Variants in ARHGAP42 observed in about 807,000 individuals in gnomAD.
The protein encoded by ARHGAP42 is Rho GTPase activating protein 42, also known as rho GTPase-activating protein 42.
A neutral mutation model predicts 125.0 loss-of-function variants in ARHGAP42; 63 were observed. The observed-to-expected ratio is 0.50, with a 90% CI of 0.41 to 0.62. The LOEUF (loss-of-function observed/expected upper bound fraction) is 0.62. ARHGAP42 is among the 20% of genes least tolerant of loss of function. The pLI is 0.00. For missense variants in ARHGAP42, 766 were observed against 1,024.2 expected (o/e 0.75, Z 3.44); for synonymous variants, 339 against 351.0 (o/e 0.97, Z 0.38).
At chr11:100,879,290 G>C (rs1238207532) in intron 4 of ARHGAP42, among the ~76,000 whole-genome samples, 2 of 152,014 alleles carry the variant, frequency 1.3e-5, no homozygotes, top group Non-Finnish European at 2.9e-5. Context: ...CTCTCTATTT[G>C]GGGGGTTATC....
At chr11:100,853,370 T>G (rs1865249799) in intron 3 of ARHGAP42, among the ~76,000 whole-genome samples, 4 of 152,160 alleles carry the variant, frequency 2.6e-5, no homozygotes, top group Admixed American at 1.3e-4. Context: ...TATGCTATGG[T>G]TAAGTCTGGT....
intron 1 of ARHGAP42, among the ~76,000 whole-genome samples, chr11:100,747,843 G>A (rs900353119): frequency 1.3e-5 from 2 of 151,392 alleles, no homozygotes; most frequent in South Asian, 2.1e-4. Context: ...TTTTTTTCAC[G>A]ACTTTCACAG....
intron 22 of ARHGAP42, among the ~76,000 whole-genome samples, chr11:100,981,715 T>C (rs1404709795): frequency 1.3e-5 from 2 of 152,136 alleles, no homozygotes. Flanking sequence ...AGGATGGAAC[T>C]GGTGAGATTT....
chr11:100,907,227 A>G (rs1198400387), intron 4 of ARHGAP42, among the ~76,000 whole-genome samples: 1 of 152,256 alleles, frequency 6.6e-6, no homozygotes. Flanking sequence ...GTCTCCAATA[A>G]TGAATGAGTT....
intron 3 of ARHGAP42, among the ~76,000 whole-genome samples, chr11:100,852,107 G>T (rs1311913337): frequency 6.6e-6 from 1 of 152,076 alleles, no homozygotes; most frequent in African/African-American, 2.4e-5. Flanking sequence ...TCTGTATCCT[G>T]CATAGTTCCT....
At chr11:100,740,227 T>A (rs1862155328) in intron 1 of ARHGAP42, among the ~76,000 whole-genome samples, 1 of 152,146 alleles carries the variant, frequency 6.6e-6, no homozygotes, top group Non-Finnish European at 1.5e-5. Context: ...CATAAAACTT[T>A]TAAAAAAGAC....
intron 1 of ARHGAP42, among the ~76,000 whole-genome samples, chr11:100,696,441 C>T (rs1861286002): frequency 6.6e-6 from 1 of 150,764 alleles, no homozygotes; most frequent in East Asian, 2.0e-4. Flanking sequence ...GCAACTTCCG[C>T]CTCCCGGGTT....
intron 3 of ARHGAP42, among the ~76,000 whole-genome samples, chr11:100,832,353 C>G (rs1864682833): frequency 6.6e-6 from 1 of 152,318 alleles, no homozygotes; most frequent in Non-Finnish European, 1.5e-5. Flanking sequence ...GAATCTGGAT[C>G]TCTGATGATC....
chr11:100,762,805 T>C (rs4469852), intron 1 of ARHGAP42, among the ~76,000 whole-genome samples: 39,167 of 151,894 alleles, frequency 0.26, 5,294 homozygotes, highest in Non-Finnish European at 0.29. Context: ...AACGTAACTG[T>C]AGTTATTAAA....
intron 1 of ARHGAP42, among the ~76,000 whole-genome samples, chr11:100,705,348 TAGAA>T (rs542246644): frequency 3.4e-4 from 52 of 152,342 alleles, no homozygotes; most frequent in African/African-American, 1.1e-3. Flanking sequence ...CCTAGAATAG[TAGAA>T]AGAGAGTGAG....
At chr11:100,943,170 C>T (rs1261320702) in intron 9 of ARHGAP42, among the ~76,000 whole-genome samples, 1 of 151,462 alleles carries the variant, frequency 6.6e-6, no homozygotes, top group Non-Finnish European at 1.5e-5. Context: ...CTTTTTTTCC[C>T]ATTACTTTTA....
At chr11:100,796,969 A>G (rs764499699) in intron 3 of ARHGAP42, among the ~76,000 whole-genome samples, 12 of 152,020 alleles carry the variant, frequency 7.9e-5, no homozygotes, top group Non-Finnish European at 1.5e-4. Context: ...GGATTTCACC[A>G]TGTTGGTCAG....
intron 18 of ARHGAP42, among the ~76,000 whole-genome samples, chr11:100,973,788 T>C (rs1243920336): frequency 6.6e-6 from 1 of 152,054 alleles, no homozygotes; most frequent in Admixed American, 6.6e-5. Flanking sequence ...ACTATGAAAA[T>C]GGGAAATTTT....
At chr11:100,695,142 T>A (rs1484522952) in intron 1 of ARHGAP42, among the ~76,000 whole-genome samples, 1 of 152,262 alleles carries the variant, frequency 6.6e-6, no homozygotes, top group Non-Finnish European at 1.5e-5. Context: ...GGCTGGCTTT[T>A]GTATAAGCGT....
chr11:100,975,911 T>C, intron 19 of ARHGAP42, 146 bp from the exon 20 acceptor site: 1 of 796,990 alleles, frequency 1.3e-6, no homozygotes, highest in Non-Finnish European at 1.9e-6. Context: ...TGAGGACAGT[T>C]CTCCGTACTA....
chr11:100,687,895 C>G (rs1477567613), intron 1 of ARHGAP42, 63 bp downstream of exon 1: 4 of 1,471,478 alleles, frequency 2.7e-6, no homozygotes, highest in Non-Finnish European at 3.6e-6. Flanking sequence ...GGTGCGGGTC[C>G]GAAGGGTGGG....
chr11:100,768,237 C>G (rs929079594), intron 1 of ARHGAP42, among the ~76,000 whole-genome samples: 1 of 152,156 alleles, frequency 6.6e-6, no homozygotes, highest in Non-Finnish European at 1.5e-5. Context: ...TGGCTCAACT[C>G]TAAATACAAC....
intron 3 of ARHGAP42, among the ~76,000 whole-genome samples, chr11:100,837,665 C>CTTTTTTTTTTTTT (rs1565235435): frequency 2.2e-5 from 1 of 45,350 alleles, no homozygotes; most frequent in Admixed American, 2.4e-4. Flanking sequence ...TAGGTGTCAT[C>CTTTTTTTTTTTTT]CTTTTTTTTT....
intron 4 of ARHGAP42, among the ~76,000 whole-genome samples, chr11:100,907,799 T>C (rs1866784320): frequency 6.6e-6 from 1 of 152,164 alleles, no homozygotes; most frequent in Non-Finnish European, 1.5e-5. Flanking sequence ...GGGGTGGTAG[T>C]TGGGGCTATC....
Sources: gnomAD v4.1 joint callset for allele counts (sites outside exome capture counted in the v4.1 genomes callset) on GRCh38, gnomAD v4.1.1 for gene constraint, MANE v1.5 for transcripts, NCBI Gene and HGNC (gene_info 2026-07-23, HGNC 2026-07-21) for gene names.